NCOA2: variants seen among roughly 807,000 people sequenced by gnomAD.
NCOA2 encodes class E basic helix-loop-helix protein 75.
In NCOA2, 21 loss-of-function variants were observed where a neutral mutation model predicts 145.1. The observed-to-expected ratio is 0.14, with a 90% CI of 0.10 to 0.21. The LOEUF is 0.21. Ranked by LOEUF, NCOA2 falls within the 10% of genes least tolerant of loss-of-function variation. NCOA2 has a pLI of 1.00. For synonymous variants in NCOA2, 619 were observed against 637.5 expected, an observed-to-expected ratio of 0.97 and a Z score of 0.44; for missense variants, 1,472 against 1,837.6, an observed-to-expected ratio of 0.80 and a Z score of 3.64.
At chr8:70,411,111 G>A in the NCOA2 span, among the ~76,000 whole-genome samples, 1 of 152,142 alleles carries the variant, frequency 6.6e-6, no homozygotes, top group Non-Finnish European at 1.5e-5. Flanking sequence ...AACCGGGTAA[G>A]AGGGAAGTTC....
chr8:70,179,199 T>C (rs1206944349), intron 4 of NCOA2, among the ~76,000 whole-genome samples: 1 of 152,230 alleles, frequency 6.6e-6, no homozygotes, highest in Non-Finnish European at 1.5e-5. Flanking sequence ...TCATCTATTC[T>C]TTAATTCTGT....
At chr8:70,353,169 CTAT>C (rs1809391088) in intron 1 of NCOA2, among the ~76,000 whole-genome samples, 1 of 151,978 alleles carries the variant, frequency 6.6e-6, no homozygotes. Flanking sequence ...CAGTGACAGT[CTAT>C]CACCATTAAA....
At chr8:70,319,059 C>T (rs953014403) in intron 1 of NCOA2, among the ~76,000 whole-genome samples, 1 of 152,196 alleles carries the variant, frequency 6.6e-6, no homozygotes, top group Admixed American at 6.5e-5. Context: ...AAACTTTCCA[C>T]ATTAACATTC....
At chr8:70,125,475 C>T (rs1256440931) in intron 19 of NCOA2, among the ~76,000 whole-genome samples, 1 of 152,090 alleles carries the variant, frequency 6.6e-6, no homozygotes, top group Admixed American at 6.6e-5. Context: ...GTTGCTCAGG[C>T]TGGTCTTGAA....
At chr8:70,124,550 G>A in intron 20 of NCOA2, 138 bp downstream of exon 20, 2 of 777,056 alleles carry the variant, frequency 2.6e-6, no homozygotes, top group East Asian at 2.9e-5. Flanking sequence ...GCTGTGGAAG[G>A]CGGTGACCTA....
chr8:70,232,658 C>A (rs941587894), intron 2 of NCOA2, among the ~76,000 whole-genome samples: 3 of 152,010 alleles, frequency 2.0e-5, no homozygotes, highest in African/African-American at 7.3e-5. Context: ...CTTGGGAGAC[C>A]CTGCTGCAAT....
chr8:70,212,572 A>G (rs966360488), intron 4 of NCOA2, among the ~76,000 whole-genome samples: 2 of 152,172 alleles, frequency 1.3e-5, no homozygotes, highest in African/African-American at 4.8e-5. Flanking sequence ...TTGTAAAACT[A>G]TTTTATACAG....
chr8:70,231,065 A>G (rs1821087025), intron 2 of NCOA2, among the ~76,000 whole-genome samples: 1 of 152,238 alleles, frequency 6.6e-6, no homozygotes, highest in African/African-American at 2.4e-5. Flanking sequence ...TTATATACCT[A>G]CAATAGTCTT....
intron 22 of NCOA2, among the ~76,000 whole-genome samples, chr8:70,116,309 C>T (rs541427173): frequency 2.0e-4 from 30 of 150,310 alleles, no homozygotes; most frequent in Admixed American, 7.9e-4. Context: ...CCCAGCACTT[C>T]GGGAGGCCGA....
upstream of NCOA2, among the ~76,000 whole-genome samples, chr8:70,407,920 C>T (rs574085571): frequency 4.6e-5 from 7 of 152,274 alleles, no homozygotes; most frequent in South Asian, 1.2e-3. Flanking sequence ...TTGTTACTTT[C>T]CCACTTGAAA....
chr8:70,224,654 T>C (rs990957876), intron 2 of NCOA2, among the ~76,000 whole-genome samples: 8 of 152,184 alleles, frequency 5.3e-5, no homozygotes, highest in Non-Finnish European at 1.2e-4. Context: ...ACATGTGTTA[T>C]GTGTCCTATA....
chr8:70,159,752 A>G (rs1221531264), intron 9 of NCOA2, 100 bp from the exon 10 acceptor site: 4 of 1,079,880 alleles, frequency 3.7e-6, no homozygotes, highest in African/African-American at 1.6e-5. Context: ...ATTAAGTTTC[A>G]TAATAGTTTC....
the NCOA2 span, among the ~76,000 whole-genome samples, chr8:70,419,273 C>T: frequency 1.3e-5 from 2 of 151,852 alleles, no homozygotes; most frequent in South Asian, 4.1e-4. Context: ...CTTTAGTCTG[C>T]TCACTCCTAA....
At position 70,141,258 on chromosome 8, in the gene NCOA2, G is replaced by C; in HGVS notation, c.2954C>G (p.Ala985Gly). ...GCTGGGCCTCATGGGGATGCTGGCT[G>C]CTGGGTTCCGAATCATACCTCCTTG... ...PVQGGMIRNP[A>G]ASIPMRPSSQ... Residue 985 changes from alanine (A) to glycine (G), a missense_variant, in exon 14 of 23, where the codon GCA (alanine) becomes GGA (glycine). By Grantham distance (60) the Ala-to-Gly change is moderately conservative. This residue lies in a region of NCOA2 where 953 missense variants were observed against 1,062.1 expected (regional missense o/e 0.90). Transcript: ENST00000452400. 6.2e-7 allele frequency: 1 copy of C among 1,613,916 alleles called. No individual in the cohort carries two copies. Among genetic ancestry groups the C allele is most frequent in the South Asian group, 1.1e-5 (1 of 91,054 alleles).
intron 14 of NCOA2, among the ~76,000 whole-genome samples, chr8:70,139,077 A>G (rs1810075483): frequency 6.6e-6 from 1 of 152,282 alleles, no homozygotes; most frequent in South Asian, 2.1e-4. Flanking sequence ...CCAGAGAAAG[A>G]GCAGAGCAGA....
intron 1 of NCOA2, among the ~76,000 whole-genome samples, chr8:70,388,668 TAAAC>T (rs149162741): frequency 0.032 from 4,870 of 152,240 alleles, 245 homozygotes; most frequent in African/African-American, 0.11. Context: ...TTTTGCTGAA[TAAAC>T]AAACAAACCT....
intron 4 of NCOA2, among the ~76,000 whole-genome samples, chr8:70,197,747 GTTCT>G (rs1473632549): frequency 6.6e-6 from 1 of 151,834 alleles, no homozygotes; most frequent in Non-Finnish European, 1.5e-5. Flanking sequence ...CCTTAAATGT[GTTCT>G]TTTTCTTCAT....
At chr8:70,449,767 G>A in the NCOA2 span, among the ~76,000 whole-genome samples, 4 of 152,224 alleles carry the variant, frequency 2.6e-5, no homozygotes, top group Admixed American at 2.0e-4. Context: ...GATCCAAGAC[G>A]TTCACATGGG....
intron 1 of NCOA2, among the ~76,000 whole-genome samples, chr8:70,357,731 A>C (rs139394137): frequency 0.038 from 5,811 of 150,980 alleles, 143 homozygotes; most frequent in South Asian, 0.1. Context: ...CGACAGAGCA[A>C]GACTCCATCT....
Sources: gnomAD v4.1 joint callset for allele counts (sites outside exome capture counted in the v4.1 genomes callset) on GRCh38, gnomAD v4.1.1 for gene constraint, gnomAD v4.1.1 regional missense constraint, MANE v1.5 for transcripts, NCBI Gene and HGNC (gene_info 2026-07-23, HGNC 2026-07-21) for gene names.